Variants in HAPLN3 observed in about 807,000 individuals in gnomAD.
HAPLN3 encodes the protein hyaluronan and proteoglycan link protein 3, also known as extracellular link domain containing, 1.
A neutral mutation model predicts 28.1 loss-of-function variants in HAPLN3; 28 were observed. That is an observed-to-expected ratio of 1.00 (90% CI 0.74 to 1.37). The LOEUF is 1.37. HAPLN3 is among the 40% of genes most tolerant of loss of function. The pLI, the probability that HAPLN3 is intolerant of heterozygous loss-of-function variation, is 0.00. For synonymous variants in HAPLN3, 211 were observed against 213.1 expected (o/e 0.99, Z 0.09); for missense variants, 513 against 504.6 (o/e 1.02, Z -0.16).
intron 2 of HAPLN3, among the ~76,000 whole-genome samples, chr15:88,884,696 A>G (rs977005534): frequency 6.6e-6 from 1 of 152,234 alleles, no homozygotes; most frequent in Admixed American, 6.5e-5. Context: ...GACTTTGCAG[A>G]TGAGGTTAAA....
Position 88,879,504 on chromosome 15 carries a change from G to A in HAPLN3, c.494-235C>T. On this transcript the variant is annotated intron_variant, in intron 3 of 4. Coordinates refer to ENST00000359595, the MANE Select transcript of HAPLN3 (RefSeq NM_178232.4). This position sits in a 1 kb window ranked among gnomAD's most constrained non-coding sequence, Gnocchi z 5.0. ...ATCCATGAGTTAAGGTAATTAATTAGTCCATTAATGTCCCCAACAATGTCC... is the reference window on the plus strand; with the variant it reads ...ATCCATGAGTTAAGGTAATTAATTAATCCATTAATGTCCCCAACAATGTCC... 2 of 1,509,168 alleles carry A rather than the reference G, an allele frequency of 1.3e-6. No homozygotes were observed. Among genetic ancestry groups the A allele is most frequent in the Non-Finnish European group, 1.8e-6 (2 of 1,129,996 alleles). The allele number at this position is 1,509,168 out of a possible 1,614,324, so 93.5% of individuals were successfully genotyped here. A position where few individuals can be genotyped will look rare whatever the true frequency, so the allele number is the denominator to read the frequency against.
chr15:88,887,131 G>T, intron 2 of HAPLN3, 44 bp downstream of exon 2: 1 of 1,607,490 alleles, frequency 6.2e-7, no homozygotes, highest in Admixed American at 1.7e-5. Context: ...AGGAGGTCTA[G>T]GTCACCCAGG....
chr15:88,879,123 CGT>C lies in HAPLN3; in HGVS notation c.638_639del (p.Asn213SerfsTer43). On this transcript the variant is annotated frameshift_variant, in exon 4 of 5. Transcript: ENST00000359595. LOFTEE classifies it high-confidence loss of function. The surrounding 1 kb of genome is among the most constrained non-coding windows in gnomAD (Gnocchi z 5.0). Reference protein sequence around the residue: ...RAWEEGLDWCNAGWLQDATVQ... With the variant: ...RAWEEGLDWCXAGWLQDATVQ... ...ACCGTGGCATCCTGCAGCCAGCCCG[CGT>C]TGCACCAGTCCAGGCCCTCCTCCCA... is the stretch of plus-strand genomic sequence containing the variant. The C allele has an allele frequency of 6.2e-7, 1 of 1,613,430 alleles. No individual in the cohort carries two copies. Among genetic ancestry groups the C allele is most frequent in the Non-Finnish European group, 8.5e-7 (1 of 1,179,812 alleles).
chr15:88,879,123 C>T lies in HAPLN3; in HGVS notation c.640G>A (p.Ala214Thr), dbSNP rs140473789. ...AWEEGLDWCN[A>T]GWLQDATVQY... The stretch of plus-strand genomic sequence containing the variant: ...ACCGTGGCATCCTGCAGCCAGCCCG[C>T]GTTGCACCAGTCCAGGCCCTCCTCC... Residue 214 changes from alanine to threonine, a missense_variant, in exon 4 of 5, where the codon GCG becomes ACG. Ala to Thr is a moderately conservative substitution (Grantham distance 58). Transcript: ENST00000359595. The surrounding 1 kb of genome is among the most constrained non-coding windows in gnomAD (Gnocchi z 5.0). The T allele has an allele frequency of 5.5e-5, 88 of 1,613,312 alleles. No individual in the cohort carries two copies. The highest frequency in any genetic ancestry group is 1.6e-4 in the Middle Eastern group (1 of 6,084).
chr15:88,890,092 A>C (rs1897973183), intron 1 of HAPLN3, among the ~76,000 whole-genome samples: 1 of 152,138 alleles, frequency 6.6e-6, no homozygotes, highest in Non-Finnish European at 1.5e-5. Context: ...AGACACACAC[A>C]GCATTGGCTT....
Position 88,887,204 on chromosome 15 carries a change from T to A in HAPLN3, c.95A>T (p.Asp32Val), listed in dbSNP as rs1352610339. 17 of 1,614,026 alleles carry A rather than the reference T, an allele frequency of 1.1e-5. No homozygotes were observed. Among genetic ancestry groups the A allele is most frequent in the Non-Finnish European group, 1.4e-5 (17 of 1,180,002 alleles). Residue 32 changes from aspartate to valine, a missense_variant, in exon 2 of 5, where the codon GAC becomes GTC. By Grantham distance (152) the Asp-to-Val change is radical (BLOSUM62 -3). Transcript: ENST00000359595. ...GCCATGACCGTTGCCTAGGTTCTGG[T>A]CGTTGGCGCTGTTGGAGTAGTAGAA... ...NGFYYSNSAN[D>V]QNLGNGHGKD... is the part of the protein sequence containing the mutation.
At position 88,879,201 on chromosome 15, in the gene HAPLN3, A is replaced by G; in HGVS notation, c.562T>C (p.Cys188Arg). ...QFNFHEGQQV[C>R]AEQAAVVASF... ...GCCACCACCGCAGCCTGCTCTGCAC[A>G]GACCTGCTGGCCCTCGTGGAAGTTG... The change falls in exon 4 of 5, where the codon TGT becomes CGT. Residue 188 changes from cysteine (C) to arginine (R), a missense_variant. Coordinates refer to ENST00000359595, the MANE Select transcript of HAPLN3 (RefSeq NM_178232.4). The surrounding 1 kb of genome is among the most constrained non-coding windows in gnomAD (Gnocchi z 5.0). 1 of 1,612,920 alleles carries G rather than the reference A, an allele frequency of 6.2e-7. No individual in the cohort carries two copies. Among genetic ancestry groups the G allele is most frequent in the East Asian group, 2.2e-5 (1 of 44,828 alleles).
chr15:88,878,967 C>A lies in HAPLN3; in HGVS notation c.796G>T (p.Gly266Trp), dbSNP rs750569584. ...DVFCFATALK[G>W]RVYYLEHPEK... Reference sequence around the variant, plus strand: ...GCCCGCGCTTGGCTATTCCACTCACCCTTGAGGGCAGTAGCGAAGCAGAAT... The same window carrying A: ...GCCCGCGCTTGGCTATTCCACTCACACTTGAGGGCAGTAGCGAAGCAGAAT... The change falls in exon 4 of 5, where the codon GGG (glycine) becomes TGG (tryptophan). Residue 266 changes from glycine (G) to tryptophan (W), a missense_variant and splice_region_variant. Physicochemically the swap from Gly to Trp is radical, Grantham distance 184 (BLOSUM62 -2). Coordinates refer to ENST00000359595, the MANE Select transcript of HAPLN3 (RefSeq NM_178232.4). 5.0e-6 allele frequency: 8 copies of A among 1,607,252 alleles called. No individual in the cohort carries two copies. Among genetic ancestry groups the A allele is most frequent in the Non-Finnish European group, 6.8e-6 (8 of 1,177,620 alleles).
intron 2 of HAPLN3, among the ~76,000 whole-genome samples, chr15:88,884,421 A>G (rs1003172845): frequency 6.6e-6 from 1 of 152,052 alleles, no homozygotes; most frequent in Non-Finnish European, 1.5e-5. Flanking sequence ...AAAATTAGCC[A>G]GGCATGGTGT....
chr15:88,878,959 C>A lies in HAPLN3; in HGVS notation c.796+8G>T, dbSNP rs1411775324. The A allele has an allele frequency of 1.2e-6, 2 of 1,602,420 alleles. No homozygotes were observed. The highest frequency in any genetic ancestry group is 1.3e-5 in the African/African-American group (1 of 74,862). On this transcript the variant is annotated splice_region_variant and intron_variant, in intron 4 of 4. Transcript: ENST00000359595. The stretch of plus-strand genomic sequence containing the variant: ...ACCCACAGGCCCGCGCTTGGCTATT[C>A]CACTCACCCTTGAGGGCAGTAGCGA...
chr15:88,891,024 C>T (rs1470240218), intron 1 of HAPLN3, among the ~76,000 whole-genome samples: 1 of 151,826 alleles, frequency 6.6e-6, no homozygotes, highest in East Asian at 2.0e-4. Context: ...ATTACAGGCA[C>T]CTGCCACCAC....
At chr15:88,885,556 C>T (rs1234995761) in intron 2 of HAPLN3, among the ~76,000 whole-genome samples, 1 of 150,724 alleles carries the variant, frequency 6.6e-6, no homozygotes. Flanking sequence ...CTCCCAGGTT[C>T]AAGCAATTCT....
Position 88,881,081 on chromosome 15 carries a change from CG to C in HAPLN3, c.493+275del. 2.1e-6 allele frequency: 1 copy of C among 475,914 alleles called. No homozygotes were observed. The highest frequency in any genetic ancestry group is 3.7e-6 in the Non-Finnish European group (1 of 268,252). 29.5% of individuals were successfully genotyped at this position (475,914 alleles called of 1,614,324 possible). A position where few individuals can be genotyped will look rare whatever the true frequency, so the allele number is the denominator to read the frequency against. On this transcript the variant is annotated intron_variant, in intron 3 of 4. Coordinates refer to ENST00000359595, the MANE Select transcript of HAPLN3 (RefSeq NM_178232.4). This position sits in a 1 kb window ranked among gnomAD's most constrained non-coding sequence, Gnocchi z 6.0. ...TCTCTGAATGAGATGTGAATTACAG[CG>C]GGTAGAGGGGAACAGATTCTAGAGG...
At position 88,877,834 on chromosome 15, in the gene HAPLN3, A is replaced by C. The variant is rs1897569264; in HGVS notation, c.*136T>G. ...GGGTTCTGTTTGCTTTACAAAAAATAGTAAAAAAATGTTTAAAGAAAATTT... is the reference window on the plus strand; with the variant it reads ...GGGTTCTGTTTGCTTTACAAAAAATCGTAAAAAAATGTTTAAAGAAAATTT... On this transcript the variant is annotated 3_prime_UTR_variant, in exon 5 of 5. Coordinates refer to ENST00000359595, the MANE Select transcript of HAPLN3 (RefSeq NM_178232.4). The surrounding 1 kb of genome is among the most constrained non-coding windows in gnomAD (Gnocchi z 5.1). 1.1e-6 allele frequency: 1 copy of C among 897,194 alleles called. No individual in the cohort carries two copies. Among genetic ancestry groups the C allele is most frequent in the African/African-American group, 1.7e-5 (1 of 59,152 alleles). The allele number at this position is 897,194 out of a possible 1,614,324, so 55.6% of individuals were successfully genotyped here. A position where few individuals can be genotyped will look rare whatever the true frequency, so the allele number is the denominator to read the frequency against.
In HAPLN3 at chr15:88,887,319, C is replaced by A. The variant is rs373396408; in HGVS notation, c.-21G>T. On this transcript the variant is annotated 5_prime_UTR_variant, in exon 2 of 5. Coordinates refer to ENST00000359595, the MANE Select transcript of HAPLN3 (RefSeq NM_178232.4). Reference sequence around the variant, plus strand: ...CCCATCTCCTCATGCCAGGGTGACCCGGGCCAGGCTGGGGCCCCAGGGCAA... The same window carrying A: ...CCCATCTCCTCATGCCAGGGTGACCAGGGCCAGGCTGGGGCCCCAGGGCAA... 4.3e-6 allele frequency: 7 copies of A among 1,613,560 alleles called. No individual in the cohort carries two copies. The highest frequency in any genetic ancestry group is 5.9e-6 in the Non-Finnish European group (7 of 1,179,736).
At chr15:88,882,989 A>C (rs1296730458) in intron 2 of HAPLN3, among the ~76,000 whole-genome samples, 1 of 152,234 alleles carries the variant, frequency 6.6e-6, no homozygotes, top group Non-Finnish European at 1.5e-5. Flanking sequence ...TGGGTGAGAG[A>C]GCAAGACTCT....
Position 88,878,995 on chromosome 15 carries a change from A to C in HAPLN3, c.768T>G (p.Asp256Glu). 1 of 1,610,590 alleles carries C rather than the reference A, an allele frequency of 6.2e-7. No homozygotes were observed. The highest frequency in any genetic ancestry group is 8.5e-7 in the Non-Finnish European group (1 of 1,178,992). The change falls in exon 4 of 5, where the codon GAT (aspartate) becomes GAG (glutamate). Residue 256 changes from aspartate (D) to glutamate (E), a missense_variant. Transcript: ENST00000359595. ...GPRHRRLHRY[D>E]VFCFATALKG... ...TGAGGGCAGTAGCGAAGCAGAATAC[A>C]TCATAGCGGTGCAGGCGGCGGTGGC...
intron 2 of HAPLN3, 78 bp downstream of exon 2, chr15:88,887,097 A>G (rs1444376487): frequency 1.3e-6 from 2 of 1,500,196 alleles, no homozygotes; most frequent in Non-Finnish European, 9.3e-7. Context: ...CCAGCCTGGA[A>G]CCCTCAGATC....
Position 88,879,048 on chromosome 15 carries a change from C to G in HAPLN3, c.715G>C (p.Ala239Pro). 1.2e-6 allele frequency: 2 copies of G among 1,606,570 alleles called. No individual in the cohort carries two copies. The highest frequency in any genetic ancestry group is 1.7e-6 in the Non-Finnish European group (2 of 1,176,992). ...GGGCCGTAGCTTCGCACGCCAGGTG[C>G]CAGGCCCGGGCCACCGCAGGGCTGC... is the stretch of plus-strand genomic sequence containing the variant. ...PRQPCGGPGL[A>P]PGVRSYGPRH... The change falls in exon 4 of 5, where the codon GCA becomes CCA. Residue 239 changes from alanine (A) to proline (P), a missense_variant. Coordinates refer to ENST00000359595, the MANE Select transcript of HAPLN3 (RefSeq NM_178232.4). The surrounding 1 kb of genome is among the most constrained non-coding windows in gnomAD (Gnocchi z 5.0).
Sources: allele counts gnomAD v4.1 joint callset (sites outside exome capture counted in the v4.1 genomes callset), GRCh38; gene constraint gnomAD v4.1.1; non-coding constraint Gnocchi (gnomAD v3.1); transcripts MANE v1.5; gene names NCBI Gene and HGNC (gene_info 2026-07-23, HGNC 2026-07-21).